The following C1QTNF3 variants were observed in gnomAD, a reference collection of about 807,000 sequenced individuals.
The protein encoded by C1QTNF3 is C1q and TNF related 3, also known as complement C1q tumor necrosis factor-related protein 3.
C1QTNF3 carries 26 observed loss-of-function variants against 32.6 expected under a neutral mutation model. That is an observed-to-expected ratio of 0.80 (90% CI 0.58 to 1.11). The LOEUF (loss-of-function observed/expected upper bound fraction) is 1.11, where lower values mean the gene tolerates loss of function less well. Ranked by LOEUF, C1QTNF3 falls within the 50% of genes least tolerant of loss-of-function variation. C1QTNF3 has a pLI of 0.00. For missense variants in C1QTNF3, 362 were observed against 398.2 expected, an observed-to-expected ratio of 0.91 and a Z score of 0.77; for synonymous variants, 155 against 146.0, an observed-to-expected ratio of 1.06 and a Z score of -0.44.
At chr5:34,209,245 A>G in the C1QTNF3 span, among the ~76,000 whole-genome samples, 1 of 151,996 alleles carries the variant, frequency 6.6e-6, no homozygotes, top group Non-Finnish European at 1.5e-5. Context: ...TCTTACTTAC[A>G]TTGGACTAAA....
At chr5:34,059,074 C>T in the C1QTNF3 span, among the ~76,000 whole-genome samples, 2 of 152,222 alleles carry the variant, frequency 1.3e-5, no homozygotes, top group African/African-American at 2.4e-5. Flanking sequence ...CCCCTCTTAA[C>T]AATTGTATTC....
the C1QTNF3 span, among the ~76,000 whole-genome samples, chr5:34,223,988 G>T: frequency 6.6e-6 from 1 of 152,076 alleles, no homozygotes; most frequent in East Asian, 1.9e-4. Context: ...AAAATCACAC[G>T]CATTTGTATA....
At chr5:34,210,408 T>A in the C1QTNF3 span, among the ~76,000 whole-genome samples, 1 of 152,098 alleles carries the variant, frequency 6.6e-6, no homozygotes, top group South Asian at 2.1e-4. Context: ...TTTGTAATAA[T>A]TTTTTCTCAT....
the C1QTNF3 span, among the ~76,000 whole-genome samples, chr5:34,084,789 GT>G: frequency 5.7e-4 from 39 of 68,754 alleles, 3 homozygotes; most frequent in Non-Finnish European, 6.3e-4. Context: ...GGTTTTTCTG[GT>G]TTTTTTTTTG....
At chr5:34,211,919 G>C in the C1QTNF3 span, among the ~76,000 whole-genome samples, 3 of 152,010 alleles carry the variant, frequency 2.0e-5, 1 homozygote, top group African/African-American at 7.2e-5. Context: ...AGTTCATATG[G>C]AACCAAAAAA....
In C1QTNF3 at chr5:34,035,712, T is replaced by A; in HGVS notation, c.350A>T (p.His117Leu). 1 of 1,612,662 alleles carries A rather than the reference T, an allele frequency of 6.2e-7. No individual in the cohort carries two copies. The highest frequency in any genetic ancestry group is 8.5e-7 in the Non-Finnish European group (1 of 1,179,624). ...GLPPDCSKCC[H>L]GDYSFRGYQG... ...GTAGCCTCGAAAGCTGTAGTCTCCA[T>A]GACAACACTTACTGCAGTCTGGGGG... The change falls in exon 2 of 6, where the codon CAT becomes CTT. Residue 117 changes from histidine to leucine, a missense_variant. By Grantham distance (99) the His-to-Leu change is moderately conservative. Coordinates refer to ENST00000382065, the MANE Select transcript of C1QTNF3 (RefSeq NM_181435.6).
At chr5:34,063,351 CTCTG>C in the C1QTNF3 span, among the ~76,000 whole-genome samples, 9 of 151,558 alleles carry the variant, frequency 5.9e-5, no homozygotes, top group African/African-American at 9.7e-5. Flanking sequence ...TTTCTCTCTC[CTCTG>C]TCTCTGTCTC....
chr5:34,079,726 A>G, the C1QTNF3 span, among the ~76,000 whole-genome samples: 1 of 151,770 alleles, frequency 6.6e-6, no homozygotes, highest in African/African-American at 2.4e-5. Flanking sequence ...GATAAGTCTG[A>G]GTCAAAATCA....
At chr5:34,139,123 A>C in the C1QTNF3 span, among the ~76,000 whole-genome samples, 1 of 152,010 alleles carries the variant, frequency 6.6e-6, no homozygotes, top group Non-Finnish European at 1.5e-5. Context: ...CTATATATGA[A>C]GGTATTCATA....
At chr5:34,032,806 C>T (rs933442011) in intron 3 of C1QTNF3, among the ~76,000 whole-genome samples, 4 of 151,910 alleles carry the variant, frequency 2.6e-5, no homozygotes, top group African/African-American at 9.7e-5. Flanking sequence ...AAAAAATAAA[C>T]AAAAATTATA....
In C1QTNF3 at chr5:34,035,765, A is replaced by T. The variant is rs1360478730; in HGVS notation, c.304-7T>A. The T allele has an allele frequency of 1.9e-6, 3 of 1,600,650 alleles. No individual in the cohort carries two copies. In the African/African-American group the frequency reaches 4.0e-5, roughly 22 times the overall value. On this transcript the variant is annotated splice_polypyrimidine_tract_variant and splice_region_variant and intron_variant, in intron 1 of 5. Transcript: ENST00000382065. Reference sequence around the variant, plus strand: ...GTCCTCCGGTTTGTGGAGACTAAAAAGACAGAAAGAGAAGCTTCAGAAAAA... The same window carrying T: ...GTCCTCCGGTTTGTGGAGACTAAAATGACAGAAAGAGAAGCTTCAGAAAAA...
At chr5:34,126,957 T>C in the C1QTNF3 span, among the ~76,000 whole-genome samples, 2 of 151,942 alleles carry the variant, frequency 1.3e-5, no homozygotes, top group South Asian at 2.1e-4. Flanking sequence ...AGAGTTCTCA[T>C]GAGATCTGAT....
At chr5:34,045,081 C>T (rs1579614871), upstream of C1QTNF3, among the ~76,000 whole-genome samples, 1 of 152,162 alleles carries the variant, frequency 6.6e-6, no homozygotes, top group Non-Finnish European at 1.5e-5. Context: ...GAGAAAATGT[C>T]ACAGGGAGAC....
chr5:34,118,845 G>A, the C1QTNF3 span, among the ~76,000 whole-genome samples: 8 of 151,708 alleles, frequency 5.3e-5, no homozygotes, highest in African/African-American at 1.7e-4. Flanking sequence ...GGTTACAATC[G>A]CTTTATCATT....
the C1QTNF3 span, among the ~76,000 whole-genome samples, chr5:34,203,579 G>A: frequency 2.6e-5 from 4 of 151,574 alleles, no homozygotes; most frequent in East Asian, 7.8e-4. Flanking sequence ...CCATCTACTT[G>A]GGAGGCTGAA....
intron 4 of C1QTNF3, among the ~76,000 whole-genome samples, chr5:34,027,011 A>G (rs1006445414): frequency 3.9e-5 from 6 of 152,236 alleles, no homozygotes; most frequent in Admixed American, 3.9e-4. Context: ...TGAAGTCCAT[A>G]ATTTAGTCAT....
the C1QTNF3 span, among the ~76,000 whole-genome samples, chr5:34,069,264 T>G: frequency 2.0e-5 from 3 of 148,252 alleles, no homozygotes; most frequent in Admixed American, 6.8e-5. Flanking sequence ...TCTAAAGTTG[T>G]GTATTTTTAG....
the C1QTNF3 span, among the ~76,000 whole-genome samples, chr5:34,095,089 T>G: frequency 6.6e-6 from 1 of 152,044 alleles, no homozygotes; most frequent in Non-Finnish European, 1.5e-5. Context: ...GATAGTAGAA[T>G]AGGGTGACTA....
chr5:34,063,293 CTCTCCT>C, the C1QTNF3 span, among the ~76,000 whole-genome samples: 1 of 86,632 alleles, frequency 1.2e-5, no homozygotes, highest in African/African-American at 4.8e-5. Flanking sequence ...TCTTCCCTCT[CTCTCCT>C]CTCTCTCTCA....
Sources: allele counts gnomAD v4.1 joint callset (sites outside exome capture counted in the v4.1 genomes callset), GRCh38; gene constraint gnomAD v4.1.1; transcripts MANE v1.5; gene names NCBI Gene and HGNC (gene_info 2026-07-23, HGNC 2026-07-21).